The following CEP162 variants were observed in gnomAD, a reference collection of about 807,000 sequenced individuals.
CEP162 encodes the protein centrosomal protein of 162 kDa.
Under a neutral mutation model 169.2 loss-of-function variants are expected in CEP162, and 141 were observed. The ratio of observed to expected loss-of-function variants is 0.83; its 90% CI spans 0.73 to 0.96. The LOEUF (loss-of-function observed/expected upper bound fraction) is 0.96, where lower values mean the gene tolerates loss of function less well. Among genes scored for constraint, CEP162 ranks in the 40% least tolerant of loss-of-function variants. The pLI, the probability that CEP162 is intolerant of heterozygous loss-of-function variation, is 0.00. For synonymous variants in CEP162, 540 were observed against 526.4 expected (o/e 1.03, Z -0.35); for missense variants, 1,600 against 1,587.2 (o/e 1.01, Z -0.14).
chr6:84,226,908 AG>A (rs1478201085), intron 1 of CEP162, among the ~76,000 whole-genome samples: 15 of 152,356 alleles, frequency 9.8e-5, no homozygotes, highest in African/African-American at 3.6e-4. Flanking sequence ...TTCGTAAAGC[AG>A]ACTGCATAGT....
At chr6:84,225,920 G>A (rs1012092525) in intron 2 of CEP162, among the ~76,000 whole-genome samples, 20 of 152,158 alleles carry the variant, frequency 1.3e-4, no homozygotes, top group Admixed American at 1.2e-3. Context: ...AGCTTGCAAT[G>A]TCTGGGAAAG....
chr6:84,142,490 T>G (rs2099517102), intron 25 of CEP162, among the ~76,000 whole-genome samples: 1 of 152,154 alleles, frequency 6.6e-6, no homozygotes, highest in Non-Finnish European at 1.5e-5. Flanking sequence ...CACTATTTAA[T>G]TGGCTTACAG....
intron 25 of CEP162, among the ~76,000 whole-genome samples, chr6:84,129,354 T>C (rs1476017359): frequency 1.3e-5 from 2 of 152,172 alleles, no homozygotes; most frequent in Non-Finnish European, 2.9e-5. Context: ...CCAGCATCTG[T>C]TTCCTGACTT....
intron 21 of CEP162, among the ~76,000 whole-genome samples, chr6:84,158,083 G>A (rs755378397): frequency 6.6e-6 from 1 of 152,164 alleles, no homozygotes; most frequent in Non-Finnish European, 1.5e-5. Context: ...ATATATGCCT[G>A]TCTATATACC....
Position 84,160,800 on chromosome 6 carries a change from C to G in CEP162, c.2781+12G>C, listed in dbSNP as rs571766351. ...TAAAATATGCTCATGAAAATTTACC[C>G]TGAACACATACTTGTCGCTCCAGAT... is the stretch of plus-strand genomic sequence containing the variant. On this transcript the variant is annotated intron_variant, in intron 21 of 26. Coordinates refer to ENST00000403245, the MANE Select transcript of CEP162 (RefSeq NM_014895.4). The G allele has an allele frequency of 6.5e-7, 1 of 1,533,172 alleles. No homozygotes were observed. Among genetic ancestry groups the G allele is most frequent in the Admixed American group, 1.7e-5 (1 of 59,820 alleles). 95.0% of individuals were successfully genotyped at this position (1,533,172 alleles called of 1,614,324 possible). A position where few individuals can be genotyped will look rare whatever the true frequency, so the allele number is the denominator to read the frequency against.
chr6:84,196,617 GA>G (rs1228754841), intron 9 of CEP162, among the ~76,000 whole-genome samples: 1 of 151,796 alleles, frequency 6.6e-6, no homozygotes, highest in Non-Finnish European at 1.5e-5. Flanking sequence ...GGAAGAGAGG[GA>G]AAAAAAGAAG....
At chr6:84,211,526 CAAAAA>C (rs960472453) in intron 6 of CEP162, among the ~76,000 whole-genome samples, 1 of 35,570 alleles carries the variant, frequency 2.8e-5, no homozygotes, top group Admixed American at 2.9e-4. Context: ...GATTCTATCT[CAAAAA>C]AAAAAAAAAA....
intron 23 of CEP162, 97 bp downstream of exon 23, chr6:84,152,448 G>T: frequency 3.3e-6 from 2 of 604,424 alleles, no homozygotes. Context: ...AATTCAGTTC[G>T]GGGTCAAACT....
Position 84,215,453 on chromosome 6 carries a change from G to T in CEP162, c.332C>A (p.Ser111Tyr). The part of the protein sequence containing the change: ...DSLETNELVV[S>Y]ELNHSSLGVG... ...TCCGAGACTACTATGGTTGAGCTCA[G>T]AAACTACTAGTTCTAAATGGAAAGC... is the stretch of plus-strand genomic sequence containing the variant. Residue 111 changes from serine (S) to tyrosine (Y), a missense_variant, in exon 5 of 27, where the codon TCT (serine) becomes TAT (tyrosine). Transcript: ENST00000403245. 6.3e-7 allele frequency: 1 copy of T among 1,583,796 alleles called. No homozygotes were observed. Among genetic ancestry groups the T allele is most frequent in the Non-Finnish European group, 8.6e-7 (1 of 1,167,810 alleles).
Position 84,155,467 on chromosome 6 carries a change from G to C in CEP162, c.2825C>G (p.Ser942Cys). ...EGILKRRYPN[S>C]LPALILAASA... is the part of the protein sequence containing the mutation. ...TGCAGCCAATATTAAAGCAGGTAAA[G>C]AATTGGGATATCTTCTCTTCAGAAT... The change falls in exon 22 of 27, where the codon TCT becomes TGT. Residue 942 changes from serine (S) to cysteine (C), a missense_variant. Transcript: ENST00000403245. The C allele has an allele frequency of 6.2e-7, 1 of 1,613,032 alleles. No individual in the cohort carries two copies. The highest frequency in any genetic ancestry group is 8.5e-7 in the Non-Finnish European group (1 of 1,179,268).
intron 11 of CEP162, among the ~76,000 whole-genome samples, chr6:84,190,644 T>C (rs1294194727): frequency 6.6e-6 from 1 of 151,662 alleles, no homozygotes; most frequent in Non-Finnish European, 1.5e-5. Flanking sequence ...GCTTCACTCC[T>C]GAGCCAGCGA....
intron 25 of CEP162, among the ~76,000 whole-genome samples, chr6:84,135,217 C>T (rs1024403861): frequency 1.3e-5 from 2 of 152,090 alleles, no homozygotes; most frequent in African/African-American, 4.8e-5. Flanking sequence ...TGAATCCATG[C>T]TCAACTAAGG....
In CEP162 at chr6:84,215,875, G is replaced by A; in HGVS notation, c.220C>T (p.Gln74Ter). The A allele has an allele frequency of 6.3e-7, 1 of 1,579,510 alleles. No individual in the cohort carries two copies. The highest frequency in any genetic ancestry group is 8.6e-7 in the Non-Finnish European group (1 of 1,161,084). The change falls in exon 4 of 27, where the codon CAG becomes TAG. Residue 74 changes from glutamine (Q) to a stop codon, truncating the protein, a stop_gained. Coordinates refer to ENST00000403245, the MANE Select transcript of CEP162 (RefSeq NM_014895.4). LOFTEE classifies it high-confidence loss of function. ...VSYLKTKKTS[Q>*]PVMEIEEESA... ...TCCTCTTCTATTTCCATAACAGGCT[G>A]AGAAGTCTTCTTTGTTTTCAAATAG...
chr6:84,186,374 A>G lies in CEP162; in HGVS notation c.1359T>C (p.Thr453=). Residue 453 remains threonine (T), a synonymous_variant, in exon 12 of 27, where the codon ACT becomes ACC. Transcript: ENST00000403245. Reference sequence around the variant, plus strand: ...CCTGAGATAATGATGAAGAATTAACAGTTATTTTTTTCCTCAAAATATTAA... The same window carrying G: ...CCTGAGATAATGATGAAGAATTAACGGTTATTTTTTTCCTCAAAATATTAA... The part of the protein sequence containing the change: ...MYLNILRKKI[T]VNSSSLSQDD... 6.8e-7 allele frequency: 1 copy of G among 1,471,320 alleles called. No homozygotes were observed. 91.1% of individuals were successfully genotyped at this position (1,471,320 alleles called of 1,614,324 possible).
chr6:84,129,375 G>A (rs1221989302), intron 25 of CEP162, among the ~76,000 whole-genome samples: 2 of 152,014 alleles, frequency 1.3e-5, no homozygotes, highest in Admixed American at 6.6e-5. Flanking sequence ...TTTAATGATC[G>A]CCATTCTAAC....
chr6:84,126,501 G>T lies in CEP162; in HGVS notation c.3882C>A (p.Leu1294=), dbSNP rs1483938266. ...EEILQKEITK[L]LEELREAKEN... ...CTTTGGCTTCTCTCAATTCTTCTAA[G>T]AGTTTTGTAATCTAAAATTGACATA... Residue 1294 remains leucine, a synonymous_variant, in exon 26 of 27, where the codon CTC becomes CTA. Transcript: ENST00000403245. The T allele has an allele frequency of 1.3e-6, 2 of 1,535,678 alleles. No homozygotes were observed. The highest frequency in any genetic ancestry group is 1.4e-5 in the African/African-American group (1 of 72,526).
At chr6:84,219,039 T>C (rs1180809582) in intron 3 of CEP162, 2 of 402,944 alleles carry the variant, frequency 5.0e-6, no homozygotes, top group Middle Eastern at 3.9e-4. Flanking sequence ...TTTATTCCTA[T>C]GGCAACTGGG....
Position 84,162,112 on chromosome 6 carries a change from C to A in CEP162, c.2513-203G>T, listed in dbSNP as rs1177409804. ...GGAAATAAGAGATTGTGTTTATAAT[C>A]CAAATTGTCAACCTTATATAGCAAA... On this transcript the variant is annotated intron_variant, in intron 19 of 26. Coordinates refer to ENST00000403245, the MANE Select transcript of CEP162 (RefSeq NM_014895.4). Among the ~76,000 whole-genome samples, 5 of 152,208 alleles carry A rather than the reference C, an allele frequency of 3.3e-5. No individual in the cohort carries two copies. The South Asian group carries it at 8.3e-4, about 25-fold the overall frequency.
At chr6:84,164,697 G>C (rs114682625) in intron 18 of CEP162, among the ~76,000 whole-genome samples, 1,688 of 152,154 alleles carry the variant, frequency 0.011, 32 homozygotes, top group African/African-American at 0.039. Flanking sequence ...TACCTGTCGG[G>C]GGGTGAGGGG....
Sources: gnomAD v4.1 joint callset for allele counts (sites outside exome capture counted in the v4.1 genomes callset) on GRCh38, gnomAD v4.1.1 for gene constraint, MANE v1.5 for transcripts, NCBI Gene and HGNC (gene_info 2026-07-23, HGNC 2026-07-21) for gene names.